The following TARDBP variants were observed in gnomAD, a reference collection of about 807,000 sequenced individuals.
The protein encoded by TARDBP is TAR DNA-binding protein 43.
TARDBP carries 4 observed loss-of-function variants against 38.3 expected under a neutral mutation model. The observed-to-expected ratio is 0.10, with a 90% CI of 0.05 to 0.24. TARDBP has a LOEUF of 0.24. TARDBP is among the 10% of genes least tolerant of loss of function. The probability of loss-of-function intolerance (pLI) is 1.00; values close to 1 mark genes in which losing one functional copy is unlikely to be tolerated. For missense variants in TARDBP, 202 were observed against 521.9 expected, an observed-to-expected ratio of 0.39 and a Z score of 5.97; for synonymous variants, 184 against 183.8, an observed-to-expected ratio of 1.00 and a Z score of -0.01.
chr1:11,026,046 C>T (rs1643727564), downstream of TARDBP: 1 of 154,756 alleles, frequency 6.5e-6, no homozygotes, highest in Non-Finnish European at 1.5e-5. Flanking sequence ...TCTAATGCCA[C>T]TTTTCATCTT....
chr1:11,013,338 G>C (rs72870028), intron 1 of TARDBP, among the ~76,000 whole-genome samples: 1,835 of 152,324 alleles, frequency 0.012, 34 homozygotes, highest in African/African-American at 0.041. Context: ...AGCCAGTTAG[G>C]CTCCTCCTCT....
rs187757140 is a variant in TARDBP at position 11,013,644 on chromosome 1, T to C, written c.-12-72T>C. The C allele has an allele frequency of 8.0e-5, 100 of 1,251,266 alleles. No homozygotes were observed. The African/African-American group carries it at 1.4e-3, about 17-fold the overall frequency. 77.5% of individuals were successfully genotyped at this position (1,251,266 alleles called of 1,614,324 possible). A position where few individuals can be genotyped will look rare whatever the true frequency, so the allele number is the denominator to read the frequency against. On this transcript the variant is annotated intron_variant, in intron 1 of 5. Coordinates refer to ENST00000240185, the MANE Select transcript of TARDBP (RefSeq NM_007375.4). ...TGGAAGTCAGAACTCTGACATGGTT[T>C]GGGTATTATCATTATAAGGAAACAG...
At chr1:11,017,393 G>A (rs566538088) in intron 3 of TARDBP, among the ~76,000 whole-genome samples, 114 of 152,072 alleles carry the variant, frequency 7.5e-4, no homozygotes, top group African/African-American at 2.5e-3. Flanking sequence ...GTAGAGACAG[G>A]GTTTCACCCG....
intron 3 of TARDBP, among the ~76,000 whole-genome samples, chr1:11,017,358 A>G (rs943218703): frequency 6.6e-6 from 1 of 151,982 alleles, no homozygotes; most frequent in Non-Finnish European, 1.5e-5. Flanking sequence ...GCCCGCCATC[A>G]TGCCTGGCTA....
rs1643694424 is a variant in TARDBP at position 11,024,533 on chromosome 1, C to G, written c.*1879C>G. The G allele has an allele frequency of 6.6e-6, 1 of 152,570 alleles. No individual in the cohort carries two copies. The highest frequency in any genetic ancestry group is 1.5e-5 in the Non-Finnish European group (1 of 68,020). 9.5% of individuals were successfully genotyped at this position (152,570 alleles called of 1,614,324 possible). On this transcript the variant is annotated 3_prime_UTR_variant, in exon 6 of 6. Transcript: ENST00000240185. ...ATTGAAAAGGGAATATCAGCACCTTCCTAGTTTGGGATTTGAAAAGTGGAA... is the reference window on the plus strand; with the variant it reads ...ATTGAAAAGGGAATATCAGCACCTTGCTAGTTTGGGATTTGAAAAGTGGAA...
intron 2 of TARDBP, chr1:11,016,398 C>G (rs965799126): frequency 2.0e-5 from 4 of 195,848 alleles, no homozygotes; most frequent in Non-Finnish European, 4.2e-5. Flanking sequence ...CCTCCTCAGC[C>G]TCCTGAGTTG....
At position 11,023,172 on chromosome 1, in the gene TARDBP, G is replaced by A. The variant is rs760833870; in HGVS notation, c.*518G>A. 3 of 1,549,808 alleles carry A rather than the reference G, an allele frequency of 1.9e-6. No homozygotes were observed. Among genetic ancestry groups the A allele is most frequent in the South Asian group, 1.2e-5 (1 of 84,000 alleles). ...CTCATACACAAAAGTACAATATGAA[G>A]CCTTCATTTAATCTCTGCAGTTCAT... On this transcript the variant is annotated 3_prime_UTR_variant, in exon 6 of 6. Transcript: ENST00000240185.
downstream of TARDBP, chr1:11,027,358 CA>C (rs1190877811): frequency 6.2e-7 from 1 of 1,614,112 alleles, no homozygotes; most frequent in Admixed American, 1.7e-5. Context: ...ATGTCATTGT[CA>C]AAGCCAGCAT....
downstream of TARDBP, chr1:11,027,022 T>C (rs138855941): frequency 1.1e-4 from 170 of 1,598,174 alleles, no homozygotes; most frequent in African/African-American, 2.0e-3. Flanking sequence ...TCTGTTTCAC[T>C]ATCTAGAAAC....
chr1:11,015,911 T>A (rs1464825793), intron 2 of TARDBP, among the ~76,000 whole-genome samples: 1 of 150,006 alleles, frequency 6.7e-6, no homozygotes, highest in Non-Finnish European at 1.5e-5. Context: ...CCTGGCTAAT[T>A]TTTGTATTTT....
At chr1:11,018,651 T>C in intron 3 of TARDBP, 82 bp from the exon 4 acceptor site, 2 of 1,599,752 alleles carry the variant, frequency 1.3e-6, no homozygotes, top group Non-Finnish European at 1.7e-6. Context: ...ACCATTCAAA[T>C]TGTTTTCTAA....
At chr1:11,028,931 T>G (rs570574578), downstream of TARDBP, among the ~76,000 whole-genome samples, 6 of 150,924 alleles carry the variant, frequency 4.0e-5, no homozygotes, top group South Asian at 1.3e-3. Context: ...GCCAGACTGG[T>G]CTTGATCTCC....
In TARDBP at chr1:11,020,508, G is replaced by A. The variant is rs1219922877; in HGVS notation, c.623G>A (p.Arg208Gln). The A allele has an allele frequency of 3.7e-6, 6 of 1,613,948 alleles. No homozygotes were observed. Among genetic ancestry groups the A allele is most frequent in the Non-Finnish European group, 4.2e-6 (5 of 1,179,972 alleles). Residue 208 changes from arginine (R) to glutamine (Q), a missense_variant, in exon 5 of 6, where the codon CGG (arginine) becomes CAG (glutamine). Around this residue, in one of 5 missense-constraint regions of TARDBP, gnomAD observed 12 missense variants for 97.3 expected, o/e 0.12. Coordinates refer to ENST00000240185, the MANE Select transcript of TARDBP (RefSeq NM_007375.4). ...CTEDMTEDEL[R>Q]EFFSQYGDVM... Reference sequence around the variant, plus strand: ...GAGGACATGACTGAGGATGAGCTGCGGGAGTTCTTCTCTCAGTACGGGGAT... The same window carrying A: ...GAGGACATGACTGAGGATGAGCTGCAGGAGTTCTTCTCTCAGTACGGGGAT...
Position 11,020,509 on chromosome 1 carries a change from G to C in TARDBP, c.624G>C (p.Arg208=), listed in dbSNP as rs908832367. ...CTEDMTEDEL[R]EFFSQYGDVM... ...AGGACATGACTGAGGATGAGCTGCG[G>C]GAGTTCTTCTCTCAGTACGGGGATG... The change falls in exon 5 of 6, where the codon CGG becomes CGC. Residue 208 remains arginine, a synonymous_variant. Transcript: ENST00000240185. 1.2e-6 allele frequency: 2 copies of C among 1,613,976 alleles called. No homozygotes were observed. Among genetic ancestry groups the C allele is most frequent in the Non-Finnish European group, 1.7e-6 (2 of 1,179,966 alleles).
At chr1:11,027,144 G>GC (rs1469654765), downstream of TARDBP, 1 of 1,613,582 alleles carries the variant, frequency 6.2e-7, no homozygotes, top group Admixed American at 1.7e-5. Context: ...CTTTTCATAT[G>GC]CAGCAGTACA....
At chr1:11,030,304 C>T (rs1417136315), downstream of TARDBP, 6 of 1,293,152 alleles carry the variant, frequency 4.6e-6, no homozygotes, top group Admixed American at 1.0e-4. Context: ...AGATGGTTGT[C>T]ATTTGCTTGA....
In TARDBP at chr1:11,017,402, C is replaced by T. The variant is rs187817659; in HGVS notation, c.402+395C>T. On this transcript the variant is annotated intron_variant, in intron 3 of 5. Transcript: ENST00000240185. ...TTTTTAGTAGAGACAGGGTTTCACC[C>T]GTTGGCCAGGCTGTTCTTGAACTCC... 1.3e-3 allele frequency among the ~76,000 whole-genome samples: 196 copies of T among 151,990 alleles called. 2 individuals carry two copies. The highest frequency in any genetic ancestry group is 4.4e-3 in the African/African-American group (182 of 41,478).
intron 1 of TARDBP, among the ~76,000 whole-genome samples, chr1:11,012,984 C>A (rs923612447): frequency 6.6e-6 from 1 of 152,242 alleles, no homozygotes; most frequent in Non-Finnish European, 1.5e-5. Flanking sequence ...GGAGGTTGGC[C>A]CCGGACCCGG....
At chr1:11,016,727 A>T in intron 2 of TARDBP, 117 bp from the exon 3 acceptor site, 1 of 1,075,234 alleles carries the variant, frequency 9.3e-7, no homozygotes, top group Non-Finnish European at 1.4e-6. Context: ...CCAAGTTTTC[A>T]GTGTCTTATT....
Sources: allele counts gnomAD v4.1 joint callset (sites outside exome capture counted in the v4.1 genomes callset), GRCh38; gene constraint gnomAD v4.1.1; regional missense constraint gnomAD v4.1.1; transcripts MANE v1.5; gene names NCBI Gene and HGNC (gene_info 2026-07-23, HGNC 2026-07-21).